Variants in METTL15 observed in about 807,000 individuals in gnomAD.
The protein encoded by METTL15 is 12S rRNA N(4)-cytidine methyltransferase METTL15.
Under a neutral mutation model 38.3 loss-of-function variants are expected in METTL15, and 34 were observed. That is an observed-to-expected ratio of 0.89 (90% CI 0.68 to 1.18). METTL15 has a LOEUF of 1.18. Among genes scored for constraint, METTL15 ranks in the 50% most tolerant of loss-of-function variants. The probability of loss-of-function intolerance (pLI) is 0.00; values close to 1 mark genes in which losing one functional copy is unlikely to be tolerated. For synonymous variants in METTL15, 162 were observed against 170.9 expected, an observed-to-expected ratio of 0.95 and a Z score of 0.41; for missense variants, 438 against 498.4, an observed-to-expected ratio of 0.88 and a Z score of 1.15.
At chr11:28,417,797 G>A (rs992985404) in intron 5 of METTL15, among the ~76,000 whole-genome samples, 1 of 152,204 alleles carries the variant, frequency 6.6e-6, no homozygotes, top group Non-Finnish European at 1.5e-5. Context: ...CCAATGTACA[G>A]TCAAATGTCA....
intron 4 of METTL15, among the ~76,000 whole-genome samples, chr11:28,277,932 G>GT (rs1179992984): frequency 1.3e-5 from 2 of 152,078 alleles, no homozygotes; most frequent in Non-Finnish European, 2.9e-5. Context: ...AGAGAAGTGG[G>GT]TTAAACGGTA....
At chr11:28,277,527 GTC>G (rs1565218989) in intron 4 of METTL15, among the ~76,000 whole-genome samples, 1 of 151,860 alleles carries the variant, frequency 6.6e-6, no homozygotes, top group Non-Finnish European at 1.5e-5. Flanking sequence ...GTGAAACCCC[GTC>G]TCTACTAAAC....
chr11:28,301,098 G>T (rs1856897103), intron 6 of METTL15, among the ~76,000 whole-genome samples: 1 of 152,080 alleles, frequency 6.6e-6, no homozygotes, highest in Non-Finnish European at 1.5e-5. Flanking sequence ...TACATGGTTT[G>T]CAACTTCCTC....
chr11:28,217,560 T>C (rs1257054205), intron 4 of METTL15, among the ~76,000 whole-genome samples: 1 of 152,164 alleles, frequency 6.6e-6, no homozygotes, highest in Non-Finnish European at 1.5e-5. Flanking sequence ...CTCTTTAGTT[T>C]AATTAGATCC....
intron 3 of METTL15, among the ~76,000 whole-genome samples, chr11:28,140,752 A>G (rs998577607): frequency 1.3e-5 from 2 of 152,186 alleles, no homozygotes; most frequent in African/African-American, 2.4e-5. Context: ...ACAGTTGAAT[A>G]CAAGGGCATT....
intron 3 of METTL15, among the ~76,000 whole-genome samples, chr11:28,129,806 G>A (rs1335407892): frequency 6.6e-6 from 1 of 152,090 alleles, no homozygotes; most frequent in Non-Finnish European, 1.5e-5. Flanking sequence ...CATTGTGTTG[G>A]GGGATCTGGG....
At chr11:28,430,865 C>G (rs1321332333) in intron 6 of METTL15, among the ~76,000 whole-genome samples, 1 of 118,772 alleles carries the variant, frequency 8.4e-6, no homozygotes, top group Non-Finnish European at 1.8e-5. Context: ...GGGGGTCAGC[C>G]CCCCGCCCGG....
intron 6 of METTL15, among the ~76,000 whole-genome samples, chr11:28,430,381 C>T (rs1850909507): frequency 1.4e-4 from 10 of 73,930 alleles, no homozygotes; most frequent in Admixed American, 1.2e-3. Context: ...GTGGGGGGGT[C>T]AGCCCCCCGC....
chr11:28,523,723 T>C (rs1851786253), intron 6 of METTL15, among the ~76,000 whole-genome samples: 1 of 152,196 alleles, frequency 6.6e-6, no homozygotes, highest in South Asian at 2.1e-4. Context: ...GCCATAAAAC[T>C]CTTAAAGGTT....
At chr11:28,186,949 A>T (rs188852899) in intron 3 of METTL15, among the ~76,000 whole-genome samples, 1 of 151,094 alleles carries the variant, frequency 6.6e-6, no homozygotes, top group Non-Finnish European at 1.5e-5. Flanking sequence ...CATTTCCTTA[A>T]TCACATAATA....
chr11:28,213,272 A>T (rs1168139185), intron 4 of METTL15, among the ~76,000 whole-genome samples: 1 of 152,148 alleles, frequency 6.6e-6, no homozygotes, highest in Non-Finnish European at 1.5e-5. Context: ...AGAATCAAGG[A>T]AAGTATAAAC....
intron 3 of METTL15, among the ~76,000 whole-genome samples, chr11:28,129,398 A>T (rs1439057332): frequency 1.3e-5 from 2 of 149,906 alleles, no homozygotes; most frequent in Non-Finnish European, 3.0e-5. Flanking sequence ...TTCAAATCAT[A>T]TAAAATTACT....
chr11:28,509,318 A>T (rs183573635), intron 6 of METTL15, among the ~76,000 whole-genome samples: 372 of 152,320 alleles, frequency 2.4e-3, no homozygotes, highest in African/African-American at 8.2e-3. Flanking sequence ...GCATTTTGAC[A>T]AAATCATCTT....
At chr11:28,173,817 A>G (rs1359355434) in intron 3 of METTL15, among the ~76,000 whole-genome samples, 1 of 152,210 alleles carries the variant, frequency 6.6e-6, no homozygotes, top group African/African-American at 2.4e-5. Context: ...TTTGAGATGT[A>G]TACAATCAGG....
At chr11:28,210,078 G>A (rs1007733185) in intron 3 of METTL15, among the ~76,000 whole-genome samples, 10 of 151,956 alleles carry the variant, frequency 6.6e-5, no homozygotes, top group Non-Finnish European at 1.0e-4. Context: ...ACACACATAT[G>A]TTTCTTATGA....
chr11:28,358,471 A>G (rs1850108763), intron 4 of METTL15, among the ~76,000 whole-genome samples: 1 of 152,252 alleles, frequency 6.6e-6, no homozygotes, highest in Non-Finnish European at 1.5e-5. Flanking sequence ...AATTAAACAG[A>G]ACAGAGAAGA....
intron 5 of METTL15, among the ~76,000 whole-genome samples, chr11:28,390,059 G>A (rs1474393754): frequency 1.3e-5 from 2 of 151,092 alleles, no homozygotes; most frequent in East Asian, 1.9e-4. Flanking sequence ...CATATCCTTT[G>A]CCCACTTTTT....
intron 1 of METTL15, among the ~76,000 whole-genome samples, chr11:28,109,762 G>A (rs991892613): frequency 3.3e-5 from 5 of 152,184 alleles, no homozygotes; most frequent in African/African-American, 1.2e-4. Flanking sequence ...TGCCACAGAT[G>A]TTTTCACACC....
At chr11:28,240,227 G>C (rs139875761) in intron 4 of METTL15, among the ~76,000 whole-genome samples, 1 of 152,006 alleles carries the variant, frequency 6.6e-6, no homozygotes, top group Admixed American at 6.5e-5. Flanking sequence ...ACATTCATTC[G>C]TTCATTCAGC....
Sources: gnomAD v4.1 joint callset for allele counts (sites outside exome capture counted in the v4.1 genomes callset) on GRCh38, gnomAD v4.1.1 for gene constraint, MANE v1.5 for transcripts, NCBI Gene and HGNC (gene_info 2026-07-23, HGNC 2026-07-21) for gene names.